The following CCBE1 variants were observed in gnomAD, a reference collection of about 807,000 sequenced individuals.
CCBE1 encodes the protein collagen and calcium binding EGF domains 1, also known as collagen and calcium-binding EGF domain-containing protein 1.
Under a neutral mutation model 50.0 loss-of-function variants are expected in CCBE1, and 37 were observed. That is an observed-to-expected ratio of 0.74 (90% confidence interval 0.57 to 0.97). The LOEUF is 0.97. Ranked by LOEUF, CCBE1 falls within the 50% of genes least tolerant of loss-of-function variation. The probability of loss-of-function intolerance (pLI) is 0.00; values close to 1 mark genes in which losing one functional copy is unlikely to be tolerated. For synonymous variants in CCBE1, 234 were observed against 203.7 expected (o/e 1.15, Z -1.27); for missense variants, 538 against 523.8 (o/e 1.03, Z -0.26).
chr18:59,447,630 AG>A (rs1329408468), intron 7 of CCBE1, among the ~76,000 whole-genome samples: 1 of 152,116 alleles, frequency 6.6e-6, no homozygotes, highest in East Asian at 1.9e-4. Flanking sequence ...AGCCCCAAGC[AG>A]GGGGGGTTCA....
chr18:59,667,000 T>C (rs1400930789), intron 2 of CCBE1, among the ~76,000 whole-genome samples: 1 of 152,016 alleles, frequency 6.6e-6, no homozygotes. Flanking sequence ...GAGGCCAGGC[T>C]CAGTGGTTGA....
rs140169580 is a variant in CCBE1 at position 59,591,883 on chromosome 18, T to C, written c.212+104746A>G. On this transcript the variant is annotated intron_variant, in intron 2 of 10. Transcript: ENST00000439986. ...CAGGATTATGTATCGTTACAAAACA[T>C]TGGAAAGAGTAAATACCTATACAGG... Among the ~76,000 whole-genome samples the C allele has an allele frequency of 2.1e-3, 316 of 152,336 alleles. 2 individuals carry two copies. Among genetic ancestry groups the C allele is most frequent in the African/African-American group, 7.2e-3 (301 of 41,572 alleles).
intron 5 of CCBE1, among the ~76,000 whole-genome samples, chr18:59,457,090 G>A (rs566699039): frequency 6.6e-5 from 10 of 152,242 alleles, no homozygotes; most frequent in East Asian, 1.9e-4. Flanking sequence ...ATGTGTCATC[G>A]GAGAAAAACA....
At chr18:59,511,794 C>T (rs1013451920) in intron 2 of CCBE1, among the ~76,000 whole-genome samples, 1 of 152,130 alleles carries the variant, frequency 6.6e-6, no homozygotes, top group Non-Finnish European at 1.5e-5. Flanking sequence ...CACAACTCTA[C>T]CCACTCTATA....
intron 2 of CCBE1, among the ~76,000 whole-genome samples, chr18:59,507,024 T>C (rs1304782078): frequency 6.6e-6 from 1 of 152,180 alleles, no homozygotes; most frequent in Non-Finnish European, 1.5e-5. Flanking sequence ...TGGCATTTAC[T>C]GTAAGTGCCA....
intron 2 of CCBE1, among the ~76,000 whole-genome samples, chr18:59,548,350 G>GGA (rs777106267): frequency 5.3e-5 from 8 of 152,196 alleles, no homozygotes; most frequent in Non-Finnish European, 8.8e-5. Context: ...ATTATTTAAA[G>GGA]ATAGTGAGTT....
At chr18:59,658,772 T>C (rs2054240393) in intron 2 of CCBE1, among the ~76,000 whole-genome samples, 1 of 145,894 alleles carries the variant, frequency 6.9e-6, no homozygotes. Context: ...CCCAGCTACT[T>C]GGGAGGCTGA....
chr18:59,657,177 A>C (rs920114261), intron 2 of CCBE1, among the ~76,000 whole-genome samples: 2 of 152,200 alleles, frequency 1.3e-5, no homozygotes, highest in Non-Finnish European at 2.9e-5. Flanking sequence ...ATGGTTTCAG[A>C]TTTACTCATG....
intron 2 of CCBE1, among the ~76,000 whole-genome samples, chr18:59,538,754 T>A (rs1463499349): frequency 6.6e-6 from 1 of 152,256 alleles, no homozygotes; most frequent in Non-Finnish European, 1.5e-5. Context: ...GGCAGACATC[T>A]ACAATGATCT....
chr18:59,556,150 A>AT (rs1394797042), intron 2 of CCBE1, among the ~76,000 whole-genome samples: 3 of 152,178 alleles, frequency 2.0e-5, no homozygotes, highest in African/African-American at 7.2e-5. Flanking sequence ...CCTGCCGTGC[A>AT]TGACACCTTG....
At chr18:59,626,230 C>T (rs1470268722) in intron 2 of CCBE1, among the ~76,000 whole-genome samples, 1 of 152,148 alleles carries the variant, frequency 6.6e-6, no homozygotes, top group African/African-American at 2.4e-5. Flanking sequence ...AAATAAAGTT[C>T]CACCTTAAAG....
intron 2 of CCBE1, among the ~76,000 whole-genome samples, chr18:59,589,543 C>T (rs1350963188): frequency 6.6e-6 from 1 of 152,050 alleles, no homozygotes; most frequent in East Asian, 1.9e-4. Context: ...CACCTGTAAT[C>T]CCAGCATTTT....
intron 2 of CCBE1, among the ~76,000 whole-genome samples, chr18:59,572,663 T>C (rs2052930844): frequency 6.6e-6 from 1 of 152,200 alleles, no homozygotes; most frequent in African/African-American, 2.4e-5. Context: ...TTTCAAAGTT[T>C]AGCAAATAGA....
chr18:59,514,953 A>G (rs1914305093), intron 2 of CCBE1, among the ~76,000 whole-genome samples: 1 of 152,094 alleles, frequency 6.6e-6, no homozygotes, highest in Admixed American at 6.5e-5. Context: ...TCCGACACAC[A>G]TGGTTTTACT....
intron 2 of CCBE1, among the ~76,000 whole-genome samples, chr18:59,669,308 T>C (rs964296446): frequency 3.3e-5 from 5 of 152,218 alleles, no homozygotes; most frequent in African/African-American, 1.2e-4. Context: ...CAAGGCTCCA[T>C]GCTAGCTATG....
intron 2 of CCBE1, among the ~76,000 whole-genome samples, chr18:59,589,718 G>A (rs187588984): frequency 2.8e-5 from 4 of 144,168 alleles, no homozygotes; most frequent in Non-Finnish European, 4.5e-5. Context: ...AGAATGGCGC[G>A]AACCCAGGAG....
intron 2 of CCBE1, among the ~76,000 whole-genome samples, chr18:59,668,164 A>T (rs2054380511): frequency 6.6e-6 from 1 of 152,294 alleles, no homozygotes; most frequent in African/African-American, 2.4e-5. Context: ...TCATGTCTGT[A>T]ATCCCAACAC....
intron 2 of CCBE1, among the ~76,000 whole-genome samples, chr18:59,544,714 G>T (rs1200707317): frequency 1.3e-5 from 2 of 152,120 alleles, no homozygotes; most frequent in Admixed American, 1.3e-4. Flanking sequence ...AGATTCATCT[G>T]TATGACAAAG....
At chr18:59,482,786 C>G (rs892364596) in intron 2 of CCBE1, among the ~76,000 whole-genome samples, 1 of 151,874 alleles carries the variant, frequency 6.6e-6, no homozygotes, top group South Asian at 2.1e-4. Context: ...CCACTTCCAT[C>G]ATCATATATG....
Sources: allele counts gnomAD v4.1 joint callset (sites outside exome capture counted in the v4.1 genomes callset), GRCh38; gene constraint gnomAD v4.1.1; transcripts MANE v1.5; gene names NCBI Gene and HGNC (gene_info 2026-07-23, HGNC 2026-07-21).